FMN1: variants seen among roughly 807,000 people sequenced by gnomAD.
FMN1 encodes formin 1.
FMN1 carries 110 observed loss-of-function variants against 132.4 expected under a neutral mutation model. That is an observed-to-expected ratio of 0.83 (90% confidence interval 0.71 to 0.97). The LOEUF is 0.97. Among genes scored for constraint, FMN1 ranks in the 50% least tolerant of loss-of-function variants. The pLI is 0.00. For missense variants in FMN1, 1,792 were observed against 1,705.3 expected (o/e 1.05, Z -0.90); for synonymous variants, 722 against 651.7 (o/e 1.11, Z -1.64).
At chr15:33,106,959 A>C (rs1299594873) in intron 4 of FMN1, among the ~76,000 whole-genome samples, 2 of 152,042 alleles carry the variant, frequency 1.3e-5, no homozygotes, top group African/African-American at 4.8e-5. Flanking sequence ...CTTCCAAATT[A>C]ATGTATCTGG....
chr15:33,123,234 T>G (rs967711876), intron 4 of FMN1, among the ~76,000 whole-genome samples: 21 of 151,990 alleles, frequency 1.4e-4, no homozygotes, highest in Non-Finnish European at 2.6e-4. Context: ...CCTTCCTTTT[T>G]CTAACTTATT....
chr15:32,781,879 C>T lies in FMN1; in HGVS notation c.4131-4960G>A, dbSNP rs528552569. Among the ~76,000 whole-genome samples, 3 of 152,312 alleles carry T rather than the reference C, an allele frequency of 2.0e-5. No individual in the cohort carries two copies. The South Asian group carries it at 6.2e-4, about 32-fold the overall frequency. ...TGATCAAGCATCTTTTCCTTCACCT[C>T]ACTCCACGTGTTCCATGACCCACCC... On this transcript the variant is annotated intron_variant, in intron 19 of 20. Coordinates refer to ENST00000616417, the MANE Select transcript of FMN1 (RefSeq NM_001277313.2).
At chr15:32,921,396 G>A (rs1001660139) in intron 10 of FMN1, among the ~76,000 whole-genome samples, 1 of 152,092 alleles carries the variant, frequency 6.6e-6, no homozygotes, top group Non-Finnish European at 1.5e-5. Context: ...GATGCAGGTG[G>A]GACAAAGTGA....
Position 33,023,071 on chromosome 15 carries a change from A to G in FMN1, c.2162-14996T>C, listed in dbSNP as rs1305334954. Among the ~76,000 whole-genome samples, 22 of 72,962 alleles carry G rather than the reference A, an allele frequency of 3.0e-4. 1 individual carries two copies. Among genetic ancestry groups the G allele is most frequent in the Non-Finnish European group, 5.5e-4 (17 of 30,782 alleles). 47.9% of individuals were successfully genotyped at this position (72,962 alleles called of 152,430 possible). A position where few individuals can be genotyped will look rare whatever the true frequency, so the allele number is the denominator to read the frequency against. On this transcript the variant is annotated intron_variant, in intron 6 of 20. Coordinates refer to ENST00000616417, the MANE Select transcript of FMN1 (RefSeq NM_001277313.2). ...CCCCTCCCCCACCCAAAAAAAAAAA[A>G]AAAAAAGAAAAAAAAGACCAAACCT... is the stretch of plus-strand genomic sequence containing the variant.
At chr15:32,898,054 A>G (rs1376833297) in intron 15 of FMN1, among the ~76,000 whole-genome samples, 2 of 152,182 alleles carry the variant, frequency 1.3e-5, no homozygotes, top group African/African-American at 4.8e-5. Flanking sequence ...AGGGTAGAAG[A>G]AAGTATTATG....
chr15:33,010,481 A>C (rs1329657181), intron 6 of FMN1, among the ~76,000 whole-genome samples: 2 of 152,220 alleles, frequency 1.3e-5, no homozygotes, highest in African/African-American at 4.8e-5. Context: ...TTTAAATCTG[A>C]CATTAAATAT....
intron 9 of FMN1, among the ~76,000 whole-genome samples, chr15:32,934,391 G>A (rs1239907344): frequency 6.6e-6 from 1 of 151,960 alleles, no homozygotes; most frequent in Non-Finnish European, 1.5e-5. Context: ...CATCATTATA[G>A]TATTCTGTAT....
intron 4 of FMN1, among the ~76,000 whole-genome samples, chr15:33,112,352 C>G (rs2039741611): frequency 1.3e-5 from 2 of 152,064 alleles, no homozygotes; most frequent in African/African-American, 4.8e-5. Flanking sequence ...ACACCTATCT[C>G]TATGAAGAGT....
At chr15:33,189,132 G>C (rs919042613) in intron 2 of FMN1, among the ~76,000 whole-genome samples, 5 of 152,050 alleles carry the variant, frequency 3.3e-5, no homozygotes, top group African/African-American at 1.2e-4. Flanking sequence ...TAAATCAGAG[G>C]GTGATCTTAA....
At chr15:33,067,875 C>A (rs192246010) in intron 5 of FMN1, 18 of 1,609,116 alleles carry the variant, frequency 1.1e-5, no homozygotes, top group Non-Finnish European at 1.4e-5. Flanking sequence ...GAATTATCAA[C>A]GTTCTCCATG....
rs1451820321 is a variant in FMN1, at chr15:33,154,552, C to A, written c.363G>T (p.Glu121Asp). The change falls in exon 4 of 21, where the codon GAG (glutamate) becomes GAT (aspartate). Residue 121 changes from glutamate to aspartate, a missense_variant. Physicochemically the swap from Glu to Asp is conservative, Grantham distance 45. Around this residue, in one of 3 missense-constraint regions of FMN1, gnomAD observed 638 missense variants for 645.2 expected, o/e 0.99. Coordinates refer to ENST00000616417, the MANE Select transcript of FMN1 (RefSeq NM_001277313.2). ...CCTCGGGGGCCAGGCTCACGGACAGCTCTTGCAGCTTCCCCTCCTGGTTCC... is the reference window on the plus strand; with the variant it reads ...CCTCGGGGGCCAGGCTCACGGACAGATCTTGCAGCTTCCCCTCCTGGTTCC... ...TMGNQEGKLQ[E>D]LSVSLAPEDD... 2 of 1,536,110 alleles carry A rather than the reference C, an allele frequency of 1.3e-6. No homozygotes were observed. Among genetic ancestry groups the A allele is most frequent in the Admixed American group, 3.9e-5 (2 of 50,998 alleles).
chr15:33,020,736 A>G (rs2035375519), intron 6 of FMN1, among the ~76,000 whole-genome samples: 1 of 152,186 alleles, frequency 6.6e-6, no homozygotes, highest in Admixed American at 6.5e-5. Context: ...CATTGTGTAT[A>G]TAAAAGAAAC....
In FMN1 at chr15:32,769,524, A is replaced by G. The variant is rs1366144118; in HGVS notation, c.*4786T>C. On this transcript the variant is annotated 3_prime_UTR_variant, in exon 21 of 21. Transcript: ENST00000616417. The stretch of plus-strand genomic sequence containing the variant: ...TTCAATTGCTAATGGAGAGATGAAT[A>G]TCATTATGTAAGTCTAAAGAAGAAA... The G allele has an allele frequency of 6.6e-6, 1 of 152,228 alleles. No homozygotes were observed. Among genetic ancestry groups the G allele is most frequent in the Non-Finnish European group, 1.5e-5 (1 of 68,028 alleles). The allele number at this position is 152,228 out of a possible 1,614,324, so 9.4% of individuals were successfully genotyped here. A position where few individuals can be genotyped will look rare whatever the true frequency, so the allele number is the denominator to read the frequency against.
At position 33,154,809 on chromosome 15, in the gene FMN1, C is replaced by T; in HGVS notation, c.106G>A (p.Gly36Ser). The T allele has an allele frequency of 6.5e-7, 1 of 1,536,072 alleles. No homozygotes were observed. The highest frequency in any genetic ancestry group is 8.7e-7 in the Non-Finnish European group (1 of 1,146,900). The change falls in exon 4 of 21, where the codon GGC becomes AGC. Residue 36 changes from glycine to serine, a missense_variant. Gly to Ser is a moderately conservative substitution (Grantham distance 56). Coordinates refer to ENST00000616417, the MANE Select transcript of FMN1 (RefSeq NM_001277313.2). ...KGEVRGFSYK[G>S]TVTLDRSNKG... is the part of the protein sequence containing the mutation. ...TTGGATCTGTCTAGAGTTACAGTGC[C>T]CTTGTATGAAAATCCTCTGACTTCC...
intron 9 of FMN1, among the ~76,000 whole-genome samples, chr15:32,934,927 C>CTTTT: frequency 7.1e-6 from 1 of 141,404 alleles, no homozygotes; most frequent in Non-Finnish European, 1.5e-5. Flanking sequence ...TTTTCTTTTT[C>CTTTT]TTTTTTTTTT....
chr15:33,088,951 A>G lies in FMN1; in HGVS notation c.1891T>C (p.Trp631Arg), dbSNP rs2038805143. Residue 631 changes from tryptophan to arginine, a missense_variant, in exon 5 of 21, where the codon TGG (tryptophan) becomes CGG (arginine). Transcript: ENST00000616417. ...PPGISSEGFP[W>R]DGFNEQTPKD... Reference sequence around the variant, plus strand: ...GGTGTCTGCTCATTGAAGCCGTCCCAGGGAAAGCCCTCAGAGGAGATACCT... The same window carrying G: ...GGTGTCTGCTCATTGAAGCCGTCCCGGGGAAAGCCCTCAGAGGAGATACCT... 6.5e-7 allele frequency: 1 copy of G among 1,535,870 alleles called. No individual in the cohort carries two copies.
chr15:32,941,808 C>A (rs1373446525), intron 9 of FMN1, among the ~76,000 whole-genome samples: 1 of 152,188 alleles, frequency 6.6e-6, no homozygotes, highest in Non-Finnish European at 1.5e-5. Flanking sequence ...CTTCAGAAAC[C>A]TCAAGATCAC....
intron 3 of FMN1, among the ~76,000 whole-genome samples, chr15:33,156,573 A>G (rs1964682117): frequency 6.6e-6 from 1 of 151,890 alleles, no homozygotes. Flanking sequence ...TATAGGTGTG[A>G]GCCACTGCTC....
At chr15:33,023,720 T>C (rs1016663715) in intron 6 of FMN1, among the ~76,000 whole-genome samples, 1 of 151,900 alleles carries the variant, frequency 6.6e-6, no homozygotes, top group Non-Finnish European at 1.5e-5. Flanking sequence ...ATTGACACAG[T>C]GATAGAAAAA....
Sources: allele counts gnomAD v4.1 joint callset (sites outside exome capture counted in the v4.1 genomes callset), GRCh38; gene constraint gnomAD v4.1.1; regional missense constraint gnomAD v4.1.1; transcripts MANE v1.5; gene names NCBI Gene and HGNC (gene_info 2026-07-23, HGNC 2026-07-21).